Variants in EPHA5 observed in about 807,000 individuals in gnomAD.
EPHA5 encodes the protein EPH receptor A5, also known as ephrin type-A receptor 5.
EPHA5 carries 60 observed loss-of-function variants against 105.0 expected under a neutral mutation model. That is an observed-to-expected ratio of 0.57 (90% CI 0.46 to 0.71). EPHA5 has a LOEUF of 0.71. Among genes scored for constraint, EPHA5 ranks in the 30% least tolerant of loss-of-function variants. The pLI is 0.00. For synonymous variants in EPHA5, 513 were observed against 449.1 expected (o/e 1.14, Z -1.80); for missense variants, 1,218 against 1,274.7 (o/e 0.96, Z 0.68).
intron 3 of EPHA5, among the ~76,000 whole-genome samples, chr4:65,512,458 G>T (rs966510975): frequency 6.6e-6 from 1 of 152,102 alleles, no homozygotes; most frequent in African/African-American, 2.4e-5. Context: ...TGATGGGGTT[G>T]CATCCTTCAT....
chr4:65,636,800 C>T (rs1447578677), intron 2 of EPHA5, among the ~76,000 whole-genome samples: 1 of 151,968 alleles, frequency 6.6e-6, no homozygotes, highest in Non-Finnish European at 1.5e-5. Flanking sequence ...GTATTATCTA[C>T]CGCCTTTTTC....
At chr4:65,393,645 T>G (rs1720935608) in intron 8 of EPHA5, among the ~76,000 whole-genome samples, 1 of 152,206 alleles carries the variant, frequency 6.6e-6, no homozygotes, top group African/African-American at 2.4e-5. Flanking sequence ...TATGTCTCAA[T>G]TGCATAACAG....
intron 6 of EPHA5, among the ~76,000 whole-genome samples, chr4:65,415,672 T>C (rs893035653): frequency 2.6e-5 from 4 of 152,020 alleles, no homozygotes; most frequent in Admixed American, 6.6e-5. Flanking sequence ...AATTTAATTA[T>C]CTAAACTTTC....
At chr4:65,360,306 A>G (rs1250416109) in intron 11 of EPHA5, among the ~76,000 whole-genome samples, 5 of 151,728 alleles carry the variant, frequency 3.3e-5, no homozygotes, top group Non-Finnish European at 7.4e-5. Flanking sequence ...AGCCCCACTG[A>G]TTAGTAAGAA....
chr4:65,488,013 C>A (rs1180327376), intron 5 of EPHA5, among the ~76,000 whole-genome samples: 2 of 152,032 alleles, frequency 1.3e-5, no homozygotes, highest in Non-Finnish European at 2.9e-5. Flanking sequence ...GGTAGGTTTG[C>A]AAAATGTTAC....
intron 5 of EPHA5, 135 bp from the exon 6 acceptor site, chr4:65,420,700 A>G (rs1723866737): frequency 5.6e-6 from 4 of 712,394 alleles, no homozygotes; most frequent in Non-Finnish European, 8.5e-6. Context: ...TAGTTTTTCT[A>G]TATAAGGTTT....
chr4:65,516,287 T>G (rs2149269522), intron 3 of EPHA5, among the ~76,000 whole-genome samples: 1 of 152,310 alleles, frequency 6.6e-6, no homozygotes. Flanking sequence ...TACTCGATTC[T>G]TACAGTAGCA....
At chr4:65,465,757 A>T (rs192638551) in intron 5 of EPHA5, among the ~76,000 whole-genome samples, 4 of 152,284 alleles carry the variant, frequency 2.6e-5, no homozygotes, top group Admixed American at 6.5e-5. Flanking sequence ...TGAGGAAAAG[A>T]TCCCCGCTTT....
At chr4:65,579,374 A>G (rs13111769) in intron 3 of EPHA5, among the ~76,000 whole-genome samples, 3,537 of 147,008 alleles carry the variant, frequency 0.024, 86 homozygotes, top group Admixed American at 0.05. Flanking sequence ...ATATATATAT[A>G]TAAATATATA....
At chr4:65,470,513 T>G (rs927570689) in intron 5 of EPHA5, among the ~76,000 whole-genome samples, 1 of 152,158 alleles carries the variant, frequency 6.6e-6, no homozygotes, top group African/African-American at 2.4e-5. Flanking sequence ...AAATATATAA[T>G]AGTAGAACAT....
At chr4:65,460,869 T>A (rs1338236217) in intron 5 of EPHA5, among the ~76,000 whole-genome samples, 2 of 151,830 alleles carry the variant, frequency 1.3e-5, no homozygotes, top group African/African-American at 4.8e-5. Flanking sequence ...CCACAGTGAT[T>A]TTTATTATAG....
At chr4:65,591,929 C>A (rs111299423) in intron 3 of EPHA5, among the ~76,000 whole-genome samples, 8 of 152,088 alleles carry the variant, frequency 5.3e-5, no homozygotes, top group African/African-American at 1.9e-4. Context: ...CATAAAAATT[C>A]TTCATTTCTT....
intron 3 of EPHA5, among the ~76,000 whole-genome samples, chr4:65,590,139 G>T (rs1182816211): frequency 1.3e-5 from 2 of 152,186 alleles, no homozygotes; most frequent in African/African-American, 4.8e-5. Context: ...ATTATCATTT[G>T]CTCTAATTGT....
chr4:65,667,160 C>T (rs936864170), intron 1 of EPHA5, among the ~76,000 whole-genome samples: 1 of 152,152 alleles, frequency 6.6e-6, no homozygotes, highest in African/African-American at 2.4e-5. Context: ...TAATCTGAAT[C>T]TCTAAAAAAG....
At chr4:65,482,231 G>A (rs1451753208) in intron 5 of EPHA5, among the ~76,000 whole-genome samples, 1 of 115,830 alleles carries the variant, frequency 8.6e-6, no homozygotes, top group East Asian at 5.4e-4. Context: ...CCAGGAGGCG[G>A]AGGTTACAGT....
At chr4:65,406,261 C>T (rs945087886) in intron 7 of EPHA5, among the ~76,000 whole-genome samples, 2 of 152,082 alleles carry the variant, frequency 1.3e-5, no homozygotes, top group African/African-American at 4.8e-5. Context: ...AAAATAGGTC[C>T]AGCATTTTAA....
chr4:65,498,610 T>C (rs1732175655), intron 3 of EPHA5, among the ~76,000 whole-genome samples: 1 of 151,790 alleles, frequency 6.6e-6, no homozygotes, highest in Admixed American at 6.6e-5. Context: ...TAAAATCAAC[T>C]AGGTTTCATG....
intron 5 of EPHA5, among the ~76,000 whole-genome samples, chr4:65,480,715 T>G (rs1024284881): frequency 9.2e-5 from 14 of 152,268 alleles, no homozygotes; most frequent in African/African-American, 3.4e-4. Context: ...GCCAGATCTG[T>G]GGTAGCGTTT....
intron 16 of EPHA5, chr4:65,331,474 T>C (rs1254282539): frequency 2.9e-6 from 3 of 1,049,788 alleles, no homozygotes; most frequent in Non-Finnish European, 3.5e-6. Flanking sequence ...TGAAAGAATG[T>C]AAGGTGCACC....
Sources: allele counts gnomAD v4.1 joint callset (sites outside exome capture counted in the v4.1 genomes callset), GRCh38; gene constraint gnomAD v4.1.1; transcripts MANE v1.5; gene names NCBI Gene and HGNC (gene_info 2026-07-23, HGNC 2026-07-21).